DCAF1: variants seen among roughly 807,000 people sequenced by gnomAD.
DCAF1 encodes DDB1- and CUL4-associated factor 1.
A neutral mutation model predicts 128.0 loss-of-function variants in DCAF1; 15 were observed. The ratio of observed to expected loss-of-function variants is 0.12; its 90% confidence interval spans 0.08 to 0.18. The LOEUF is 0.18. Among genes scored for constraint, DCAF1 ranks in the 10% least tolerant of loss-of-function variants. DCAF1 has a pLI of 1.00. For synonymous variants in DCAF1, 610 were observed against 603.0 expected (o/e 1.01, Z -0.17); for missense variants, 988 against 1,649.5 (o/e 0.60, Z 6.95).
At chr3:51,455,404 G>A (rs1282153059) in intron 6 of DCAF1, among the ~76,000 whole-genome samples, 2 of 152,004 alleles carry the variant, frequency 1.3e-5, no homozygotes, top group Non-Finnish European at 1.5e-5. Flanking sequence ...CCAGAAGTTC[G>A]AGACTAGCCT....
chr3:51,458,967 G>C (rs1703235723), intron 6 of DCAF1, among the ~76,000 whole-genome samples: 1 of 152,158 alleles, frequency 6.6e-6, no homozygotes, highest in South Asian at 2.1e-4. Context: ...AAGCAGGAAA[G>C]ATCTAAAACT....
intron 2 of DCAF1, among the ~76,000 whole-genome samples, chr3:51,485,709 G>A (rs1181551094): frequency 6.6e-6 from 1 of 152,050 alleles, no homozygotes; most frequent in African/African-American, 2.4e-5. Flanking sequence ...ACATGTAAAA[G>A]ATGATATCAT....
In DCAF1 at chr3:51,422,292, C is replaced by CA; in HGVS notation, c.1972+14dup. On this transcript the variant is annotated intron_variant, in intron 14 of 24. Coordinates refer to ENST00000684031, the MANE Select transcript of DCAF1 (RefSeq NM_001387579.1). ...CCAGACCAAGAAACAACAAAAATGG[C>CA]AAAGTACAACCTACCTACAGTAGAG... 1 of 758,112 alleles carries CA rather than the reference C, an allele frequency of 1.3e-6. No homozygotes were observed. Among genetic ancestry groups the CA allele is most frequent in the East Asian group, 2.5e-5 (1 of 40,430 alleles). 47.0% of individuals were successfully genotyped at this position (758,112 alleles called of 1,614,324 possible).
At chr3:51,429,214 C>T (rs1553634874) in intron 12 of DCAF1, 47 bp downstream of exon 12, 1 of 721,434 alleles carries the variant, frequency 1.4e-6, no homozygotes, top group South Asian at 1.5e-5. Context: ...TGAGATGCTA[C>T]AGAGAGGGCT....
In DCAF1 at chr3:51,413,391, A is replaced by T. The variant is rs782584811; in HGVS notation, c.3932-5T>A. 1.2e-6 allele frequency: 2 copies of T among 1,611,072 alleles called. No homozygotes were observed. The highest frequency in any genetic ancestry group is 1.7e-6 in the Non-Finnish European group (2 of 1,178,504). On this transcript the variant is annotated splice_region_variant and splice_polypyrimidine_tract_variant and intron_variant, in intron 20 of 24. Transcript: ENST00000684031. ...CATCATCTGCCTGCAACATAGCTTGAGGGGGAGTGGGGGAGGAAACACTAT... is the reference window on the plus strand; with the variant it reads ...CATCATCTGCCTGCAACATAGCTTGTGGGGGAGTGGGGGAGGAAACACTAT...
In DCAF1 at chr3:51,456,667, A is replaced by G. The variant is rs1017003460; in HGVS notation, c.375+6447T>C. 2.6e-5 allele frequency among the ~76,000 whole-genome samples: 4 copies of G among 152,342 alleles called. No homozygotes were observed. In the South Asian group the frequency reaches 8.3e-4, roughly 32 times the overall value. On this transcript the variant is annotated intron_variant, in intron 6 of 24. Coordinates refer to ENST00000684031, the MANE Select transcript of DCAF1 (RefSeq NM_001387579.1). ...GCCTAACTGGGAGGCACCCCCCAGT[A>G]GGGGCGGACTGACACCTCACACGGC...
chr3:51,474,784 C>CCT (rs1553649811), intron 3 of DCAF1, among the ~76,000 whole-genome samples: 1 of 121,812 alleles, frequency 8.2e-6, no homozygotes, highest in East Asian at 2.5e-4. Context: ...GCATGCCTGG[C>CCT]TTTTTTTTTT....
chr3:51,454,860 AGAC>A (rs376520758), intron 6 of DCAF1, among the ~76,000 whole-genome samples: 65 of 151,930 alleles, frequency 4.3e-4, no homozygotes, highest in African/African-American at 1.5e-3. Context: ...TTTTTAGTAG[AGAC>A]GGGGTTTCAC....
At chr3:51,505,022 G>C in the DCAF1 span, among the ~76,000 whole-genome samples, 915 of 152,176 alleles carry the variant, frequency 6.0e-3, 14 homozygotes, top group African/African-American at 0.021. Context: ...AGCACTTTAG[G>C]GGGGCAAGGC....
chr3:51,503,132 G>A (rs782029382), upstream of DCAF1, among the ~76,000 whole-genome samples: 5 of 152,118 alleles, frequency 3.3e-5, no homozygotes, highest in Non-Finnish European at 5.9e-5. Context: ...GTCTCACCTT[G>A]CTCTGCCTGT....
chr3:51,459,792 A>G (rs1241847230), intron 6 of DCAF1, among the ~76,000 whole-genome samples: 1 of 152,200 alleles, frequency 6.6e-6, no homozygotes, highest in Non-Finnish European at 1.5e-5. Flanking sequence ...TATAAACAGA[A>G]CCAAAGACAA....
At chr3:51,415,937 T>A (rs554438886) in intron 18 of DCAF1, among the ~76,000 whole-genome samples, 33 of 152,174 alleles carry the variant, frequency 2.2e-4, no homozygotes, top group African/African-American at 7.2e-4. Context: ...TCTAAGAGAA[T>A]CTCAAATTTC....
intron 2 of DCAF1, among the ~76,000 whole-genome samples, 22 bp downstream of exon 2, chr3:51,496,712 A>G (rs1708270891): frequency 6.6e-6 from 1 of 152,092 alleles, no homozygotes. Context: ...CAAGGATTCA[A>G]ATCCCAACTC....
upstream of DCAF1, among the ~76,000 whole-genome samples, chr3:51,504,349 T>C (rs1708891720): frequency 6.6e-6 from 1 of 151,584 alleles, no homozygotes; most frequent in Admixed American, 6.6e-5. Flanking sequence ...CCTGAACTTT[T>C]ATTTATTTAT....
chr3:51,443,159 T>C (rs1701526770), intron 7 of DCAF1, among the ~76,000 whole-genome samples: 2 of 152,352 alleles, frequency 1.3e-5, no homozygotes, highest in South Asian at 2.1e-4. Context: ...GATGTATATA[T>C]GTAGTTGTTC....
intron 5 of DCAF1, among the ~76,000 whole-genome samples, chr3:51,466,266 T>G (rs915080900): frequency 3.3e-5 from 5 of 152,146 alleles, no homozygotes; most frequent in African/African-American, 1.2e-4. Context: ...AGTCTGTCAG[T>G]GAACTATGGA....
chr3:51,488,471 T>G (rs1466781246), intron 2 of DCAF1, among the ~76,000 whole-genome samples: 1 of 151,034 alleles, frequency 6.6e-6, no homozygotes, highest in African/African-American at 2.4e-5. Context: ...AGGTCAGGAG[T>G]TCGAGACCAG....
intron 1 of DCAF1, among the ~76,000 whole-genome samples, chr3:51,497,756 G>A (rs1464401809): frequency 2.0e-5 from 3 of 152,054 alleles, no homozygotes; most frequent in African/African-American, 7.2e-5. Context: ...GTTAGCCTGT[G>A]ACTGCGGTCC....
chr3:51,449,544 A>G (rs1553641011), intron 6 of DCAF1, among the ~76,000 whole-genome samples: 1 of 152,196 alleles, frequency 6.6e-6, no homozygotes, highest in Non-Finnish European at 1.5e-5. Context: ...TGCAATTAAA[A>G]AAGAAGAAAG....
Sources: gnomAD v4.1 joint callset for allele counts (sites outside exome capture counted in the v4.1 genomes callset) on GRCh38, gnomAD v4.1.1 for gene constraint, MANE v1.5 for transcripts, NCBI Gene and HGNC (gene_info 2026-07-23, HGNC 2026-07-21) for gene names.